The following SRMS variants were observed in gnomAD, a reference collection of about 807,000 sequenced individuals.
SRMS encodes the protein tyrosine-protein kinase Srms.
A neutral mutation model predicts 43.5 loss-of-function variants in SRMS; 42 were observed. That is an observed-to-expected ratio of 0.97 (90% confidence interval 0.75 to 1.25). SRMS has a LOEUF of 1.25. Ranked by LOEUF, SRMS falls within the 50% of genes most tolerant of loss-of-function variation. The pLI, the probability that SRMS is intolerant of heterozygous loss-of-function variation, is 0.00. For missense variants in SRMS, 703 were observed against 681.0 expected, an observed-to-expected ratio of 1.03 and a Z score of -0.36; for synonymous variants, 316 against 308.2, an observed-to-expected ratio of 1.03 and a Z score of -0.27.
rs2082705027 is a variant in SRMS, at chr20:63,541,712, C to T, written c.947-92G>A. 5.1e-6 allele frequency: 7 copies of T among 1,373,126 alleles called. No homozygotes were observed. In the South Asian group the frequency reaches 1.1e-4, roughly 21 times the overall value. 85.1% of individuals were successfully genotyped at this position (1,373,126 alleles called of 1,614,324 possible). On this transcript the variant is annotated intron_variant, in intron 5 of 7. Coordinates refer to ENST00000217188, the MANE Select transcript of SRMS (RefSeq NM_080823.4). ...ACGTCACCTTCCCCCATGCCTCAGC[C>T]TCCTCATCTCTAAGACGTGGCGAGG...
At position 63,540,153 on chromosome 20, in the gene SRMS, C is replaced by T. The variant is rs1005096670; in HGVS notation, c.*665G>A. The stretch of plus-strand genomic sequence containing the variant: ...TGTGCGTGTCTGAGTGGGTCAGTCC[C>T]GGCTTACTGAGTGCTGTGTGCGTGA... On this transcript the variant is annotated 3_prime_UTR_variant, in exon 8 of 8. Transcript: ENST00000217188. Among the ~76,000 whole-genome samples, 1 of 152,198 alleles carries T rather than the reference C, an allele frequency of 6.6e-6. No individual in the cohort carries two copies. The highest frequency in any genetic ancestry group is 6.5e-5 in the Admixed American group (1 of 15,286).
At position 63,547,366 on chromosome 20, in the gene SRMS, G is replaced by A; in HGVS notation, c.98C>T (p.Ser33Phe). ...CACTGGGTCAGTGTTGGGGTCCAGG[G>A]ACCCGGGGGTGCCATGGTCCGGCTC... is the stretch of plus-strand genomic sequence containing the variant. ...GGEPDHGTPG[S>F]LDPNTDPVPT... The change falls in exon 1 of 8, where the codon TCC becomes TTC. Residue 33 changes from serine (S) to phenylalanine (F), a missense_variant. Coordinates refer to ENST00000217188, the MANE Select transcript of SRMS (RefSeq NM_080823.4). 6.3e-7 allele frequency: 1 copy of A among 1,578,724 alleles called. No individual in the cohort carries two copies. The highest frequency in any genetic ancestry group is 8.6e-7 in the Non-Finnish European group (1 of 1,162,584).
intron 2 of SRMS, 26 bp downstream of exon 2, chr20:63,544,201 G>A: frequency 7.0e-7 from 1 of 1,426,168 alleles, no homozygotes; most frequent in South Asian, 1.5e-5. Context: ...GTGGGGGACA[G>A]AGGCAGGAGG....
rs1300213567 is a variant in SRMS at position 63,541,530 on chromosome 20, A to G, written c.1037T>C (p.Val346Ala). The G allele has an allele frequency of 1.3e-6, 2 of 1,598,782 alleles. No homozygotes were observed. Among genetic ancestry groups the G allele is most frequent in the Non-Finnish European group, 8.5e-7 (1 of 1,174,520 alleles). The stretch of plus-strand genomic sequence containing the variant: ...CCGGGCGGCCAAGTCCCGGTGCACA[A>G]CGCGCTGCTCCTCCAGGTAGCTCAT... ...EGMSYLEEQRVVHRDLAARNV... is the reference protein window; with the variant it reads ...EGMSYLEEQRAVHRDLAARNV... The change falls in exon 6 of 8, where the codon GTT becomes GCT. Residue 346 changes from valine (V) to alanine (A), a missense_variant. Physicochemically the swap from Val to Ala is moderately conservative, Grantham distance 64. Transcript: ENST00000217188.
intron 2 of SRMS, 161 bp from the exon 3 acceptor site, chr20:63,543,641 C>T (rs2082716134): frequency 2.3e-6 from 2 of 881,828 alleles, no homozygotes; most frequent in Non-Finnish European, 3.4e-6. Flanking sequence ...GTGTGGGCAG[C>T]CACAGGCTGG....
At position 63,544,220 on chromosome 20, in the gene SRMS, CA is replaced by C; in HGVS notation, c.478+6del. The C allele has an allele frequency of 6.9e-7, 1 of 1,445,276 alleles. No individual in the cohort carries two copies. Among genetic ancestry groups the C allele is most frequent in the Non-Finnish European group, 9.1e-7 (1 of 1,098,066 alleles). 89.5% of individuals were successfully genotyped at this position (1,445,276 alleles called of 1,614,324 possible). ...GGGACAGAGGCAGGAGGGGCCGCCC[CA>C]GGTACCTGACAGTGAGTAGCCCCCG... On this transcript the variant is annotated splice_donor_region_variant and intron_variant, in intron 2 of 7. Coordinates refer to ENST00000217188, the MANE Select transcript of SRMS (RefSeq NM_080823.4).
In SRMS at chr20:63,547,397, C is replaced by A. The variant is rs1335745942; in HGVS notation, c.67G>T (p.Gly23Cys). The change falls in exon 1 of 8, where the codon GGC (glycine) becomes TGC (cysteine). Residue 23 changes from glycine (G) to cysteine (C), a missense_variant. Transcript: ENST00000217188. ...SFFWDKIWPA[G>C]GEPDHGTPGS... ...GGGGTGCCATGGTCCGGCTCGCCGC[C>A]CGCCGGCCAGATCTTGTCCCAGAAG... 2 of 1,557,926 alleles carry A rather than the reference C, an allele frequency of 1.3e-6. No individual in the cohort carries two copies. Among genetic ancestry groups the A allele is most frequent in the Non-Finnish European group, 1.7e-6 (2 of 1,150,598 alleles).
In SRMS at chr20:63,540,726, G is replaced by A. The variant is rs764661991; in HGVS notation, c.*92C>T. ...TGAGGCCCACAGCCAGAGGCTCCTCGGTCCGGCAGACCGGCATCCCTTCGA... is the reference window on the plus strand; with the variant it reads ...TGAGGCCCACAGCCAGAGGCTCCTCAGTCCGGCAGACCGGCATCCCTTCGA... On this transcript the variant is annotated 3_prime_UTR_variant, in exon 8 of 8. Coordinates refer to ENST00000217188, the MANE Select transcript of SRMS (RefSeq NM_080823.4). 2.5e-5 allele frequency: 36 copies of A among 1,460,674 alleles called. No individual in the cohort carries two copies. Among genetic ancestry groups the A allele is most frequent in the South Asian group, 5.4e-5 (4 of 73,490 alleles). The allele number at this position is 1,460,674 out of a possible 1,614,324, so 90.5% of individuals were successfully genotyped here.
chr20:63,539,477 C>T lies in SRMS; in HGVS notation c.*1341G>A, dbSNP rs1235202513. Among the ~76,000 whole-genome samples the T allele has an allele frequency of 2.6e-5, 4 of 152,240 alleles. No individual in the cohort carries two copies. Among genetic ancestry groups the T allele is most frequent in the Non-Finnish European group, 4.4e-5 (3 of 68,038 alleles). Reference sequence around the variant, plus strand: ...TGACCCCAACTCTAGGGGACAAGGACTCAGTCAGGCCTGAACTTGTCTCCA... The same window carrying T: ...TGACCCCAACTCTAGGGGACAAGGATTCAGTCAGGCCTGAACTTGTCTCCA... On this transcript the variant is annotated 3_prime_UTR_variant, in exon 8 of 8. Transcript: ENST00000217188.
In SRMS at chr20:63,543,318, G is replaced by A. The variant is rs749102440; in HGVS notation, c.641C>T (p.Pro214Leu). The change falls in exon 3 of 8, where the codon CCC becomes CTC. Residue 214 changes from proline to leucine, a missense_variant. Physicochemically the swap from Pro to Leu is moderately conservative, Grantham distance 98. Coordinates refer to ENST00000217188, the MANE Select transcript of SRMS (RefSeq NM_080823.4). ...GCTTGGCAGGCACAGGCCCACCTGGGGCATGCAGGGCTGCAGCAGGGGGTT... is the reference window on the plus strand; with the variant it reads ...GCTTGGCAGGCACAGGCCCACCTGGAGCATGCAGGGCTGCAGCAGGGGGTT... ...IQNPLLQPCM[P>L]QKAPRQDVWE... 5 of 1,612,236 alleles carry A rather than the reference G, an allele frequency of 3.1e-6. No individual in the cohort carries two copies. The African/African-American group carries it at 4.0e-5, about 13-fold the overall frequency.
rs34412104 is a variant in SRMS, at chr20:63,542,188, C to A, written c.921G>T (p.Lys307Asn). ...TGCCCAGGAAGGCCTGCAGGTTCCC[C>A]TTGCGCATGAGTTCCGTGACGATGT... ...PVYIVTELMR[K>N]GNLQAFLGTP... Residue 307 changes from lysine to asparagine, a missense_variant, in exon 5 of 8, where the codon AAG becomes AAT. Lys to Asn is a moderately conservative substitution (Grantham distance 94, BLOSUM62 0). Transcript: ENST00000217188. 4.7e-5 allele frequency: 76 copies of A among 1,610,844 alleles called. No homozygotes were observed. The highest frequency in any genetic ancestry group is 6.1e-5 in the Non-Finnish European group (72 of 1,178,504).
At position 63,547,585 on chromosome 20, in the gene SRMS, G is replaced by C; in HGVS notation, c.-122C>G. ...CTGCCCTGGCCGTGGGGTGACAGGG[G>C]ACCCCGGCCCTGCGGTCACTCAGAG... On this transcript the variant is annotated 5_prime_UTR_variant, in exon 1 of 8. Transcript: ENST00000217188. 3 of 939,628 alleles carry C rather than the reference G, an allele frequency of 3.2e-6. No homozygotes were observed. The South Asian group carries it at 5.7e-5, about 18-fold the overall frequency. 58.2% of individuals were successfully genotyped at this position (939,628 alleles called of 1,614,324 possible).
At chr20:63,545,871 G>A (rs2082728224) in intron 1 of SRMS, among the ~76,000 whole-genome samples, 1 of 152,136 alleles carries the variant, frequency 6.6e-6, no homozygotes, top group Non-Finnish European at 1.5e-5. Flanking sequence ...GTGTGGGGAT[G>A]AGACACAGGT....
In SRMS at chr20:63,540,175, G is replaced by C. The variant is rs1034884760; in HGVS notation, c.*643C>G. On this transcript the variant is annotated 3_prime_UTR_variant, in exon 8 of 8. Coordinates refer to ENST00000217188, the MANE Select transcript of SRMS (RefSeq NM_080823.4). ...TCCCGGCTTACTGAGTGCTGTGTGCGTGAGTGGGTTTGTGCACAGGCCGCC... is the reference window on the plus strand; with the variant it reads ...TCCCGGCTTACTGAGTGCTGTGTGCCTGAGTGGGTTTGTGCACAGGCCGCC... Among the ~76,000 whole-genome samples the C allele has an allele frequency of 2.0e-5, 3 of 152,228 alleles. No homozygotes were observed. Among genetic ancestry groups the C allele is most frequent in the Non-Finnish European group, 4.4e-5 (3 of 68,034 alleles).
At chr20:63,543,281 C>T in intron 3 of SRMS, 33 bp downstream of exon 3, 1 of 1,606,880 alleles carries the variant, frequency 6.2e-7, no homozygotes. Context: ...GCCTCGGGCC[C>T]AGCATGGGGC....
Position 63,539,432 on chromosome 20 carries a change from C to T in SRMS, c.*1386G>A, listed in dbSNP as rs937731848. ...CTGTGGACGGCAGCCATCAGCACTT[C>T]GGCTCAGCAGGTACAGAGCTGACCC... is the stretch of plus-strand genomic sequence containing the variant. On this transcript the variant is annotated 3_prime_UTR_variant, in exon 8 of 8. Transcript: ENST00000217188. 3.3e-5 allele frequency among the ~76,000 whole-genome samples: 5 copies of T among 152,362 alleles called. No individual in the cohort carries two copies. Among genetic ancestry groups the T allele is most frequent in the Admixed American group, 6.5e-5 (1 of 15,306 alleles).
rs1041846985 is a variant in SRMS at position 63,540,608 on chromosome 20, C to T, written c.*210G>A. Among the ~76,000 whole-genome samples, 47 of 152,232 alleles carry T rather than the reference C, an allele frequency of 3.1e-4. No homozygotes were observed. Among genetic ancestry groups the T allele is most frequent in the Non-Finnish European group, 1.5e-4 (10 of 68,032 alleles). On this transcript the variant is annotated 3_prime_UTR_variant, in exon 8 of 8. Coordinates refer to ENST00000217188, the MANE Select transcript of SRMS (RefSeq NM_080823.4). ...ATGGGGGACGTCAGCCCCAGCCCTC[C>T]GTCTGCACGAGTCACACTGCACGGG...
chr20:63,541,129 G>C (rs1324481652), intron 7 of SRMS, 62 bp downstream of exon 7: 3 of 1,552,826 alleles, frequency 1.9e-6, no homozygotes, highest in Non-Finnish European at 2.6e-6. Context: ...CAGCGTCCAG[G>C]CCCGGGGCCA....
At chr20:63,544,169 A>G in intron 2 of SRMS, 58 bp downstream of exon 2, 2 of 1,379,182 alleles carry the variant, frequency 1.5e-6, no homozygotes, top group Non-Finnish European at 9.4e-7. Context: ...CAACCACCCC[A>G]AGGTCAAGGG....
Sources: gnomAD v4.1 joint callset for allele counts (sites outside exome capture counted in the v4.1 genomes callset) on GRCh38, gnomAD v4.1.1 for gene constraint, MANE v1.5 for transcripts, NCBI Gene and HGNC (gene_info 2026-07-23, HGNC 2026-07-21) for gene names.